EMILIN1: variants seen among roughly 807,000 people sequenced by gnomAD.
EMILIN1 encodes the protein elastin microfibril interfacer 1, also known as EMILIN-1.
EMILIN1 carries 49 observed loss-of-function variants against 82.4 expected under a neutral mutation model. The ratio of observed to expected loss-of-function variants is 0.59; its 90% CI spans 0.47 to 0.75. The LOEUF is 0.75. EMILIN1 is among the 30% of genes least tolerant of loss of function. EMILIN1 has a pLI of 0.00. For missense variants in EMILIN1, 1,313 were observed against 1,366.4 expected, an observed-to-expected ratio of 0.96 and a Z score of 0.62; for synonymous variants, 604 against 602.2, an observed-to-expected ratio of 1.00 and a Z score of -0.04.
rs758912154 is a variant in EMILIN1, at chr2:27,083,835, T to TGGCTGGGCTCTG, written c.2275_2286dup (p.Trp759_Leu762dup). 2.0e-5 allele frequency: 32 copies of TGGCTGGGCTCTG among 1,600,338 alleles called. No individual in the cohort carries two copies. The Admixed American group carries it at 4.9e-4, about 24-fold the overall frequency. On this transcript the variant is annotated inframe_insertion, in exon 4 of 8. Transcript: ENST00000380320. ...CTGCGCGAGGGCCTTTCCAGACACG[T>TGGCTGGGCTCTG]GGCTGGGCTCTGGGCTGGGCTCCGG...
At chr2:27,079,955 GAA>G (rs1027951715) in intron 1 of EMILIN1, among the ~76,000 whole-genome samples, 194 bp from the exon 2 acceptor site, 5 of 152,230 alleles carry the variant, frequency 3.3e-5, no homozygotes, top group Non-Finnish European at 5.9e-5. Flanking sequence ...TCCCCATCTT[GAA>G]AAGTCTTTAT....
chr2:27,085,354 A>G, intron 7 of EMILIN1, 57 bp downstream of exon 7: 8 of 1,592,340 alleles, frequency 5.0e-6, no homozygotes, highest in Non-Finnish European at 6.9e-6. Context: ...GTGTGCAGTG[A>G]TATCTTCCCA....
intron 1 of EMILIN1, among the ~76,000 whole-genome samples, chr2:27,079,875 C>T (rs550078550): frequency 6.5e-4 from 99 of 152,314 alleles, no homozygotes; most frequent in African/African-American, 2.3e-3. Context: ...TGATTGTGTA[C>T]ATTCAGAGGC....
chr2:27,085,755 G>A lies in EMILIN1; in HGVS notation c.2791G>A (p.Ala931Thr), dbSNP rs1669608289. 6.2e-7 allele frequency: 1 copy of A among 1,611,744 alleles called. No homozygotes were observed. Among genetic ancestry groups the A allele is most frequent in the African/African-American group, 1.3e-5 (1 of 74,922 alleles). The change falls in exon 8 of 8, where the codon GCC (alanine) becomes ACC (threonine). Residue 931 changes from alanine to threonine, a missense_variant. Ala to Thr is a moderately conservative substitution (Grantham distance 58). Coordinates refer to ENST00000380320, the MANE Select transcript of EMILIN1 (RefSeq NM_007046.4). ...LTGHRHEKVE[A>T]VLSRSNQGVA... is the part of the protein sequence containing the mutation. ...TGGGCACCGGCACGAGAAAGTGGAGGCCGTGCTGTCCCGCTCCAACCAGGG... is the reference window on the plus strand; with the variant it reads ...TGGGCACCGGCACGAGAAAGTGGAGACCGTGCTGTCCCGCTCCAACCAGGG...
chr2:27,080,112 A>G (rs1160675559), intron 1 of EMILIN1, 39 bp from the exon 2 acceptor site: 7 of 1,611,336 alleles, frequency 4.3e-6, no homozygotes, highest in Non-Finnish European at 5.9e-6. Context: ...CAGGGCATGT[A>G]TCTTTGGTCC....
Position 27,083,279 on chromosome 2 carries a change from C to T in EMILIN1, c.1708C>T (p.Leu570=). The T allele has an allele frequency of 6.2e-7, 1 of 1,612,940 alleles. No homozygotes were observed. The highest frequency in any genetic ancestry group is 8.5e-7 in the Non-Finnish European group (1 of 1,179,638). Residue 570 remains leucine (L), a synonymous_variant, in exon 4 of 8, where the codon CTG becomes TTG. Transcript: ENST00000380320. ...TCTCACTGCGGCCCGGCTAGGCCAA[C>T]TGGAGGGGCTGCTGCAGGCCCATGG... ...LNLTAARLGQ[L]EGLLQAHGDE... is the part of the protein sequence containing the mutation.
Position 27,083,060 on chromosome 2 carries a change from C to T in EMILIN1, c.1489C>T (p.Leu497Phe), listed in dbSNP as rs1669512145. ...GCAGGACTCTCAAGTCAGCGAGATC[C>T]TCAGTGCCTTGGAGCGCAGGGTGCT... ...GEQDSQVSEI[L>F]SALERRVLDS... Residue 497 changes from leucine (L) to phenylalanine (F), a missense_variant, in exon 4 of 8, where the codon CTC becomes TTC. Leu to Phe is a conservative substitution (Grantham distance 22). Coordinates refer to ENST00000380320, the MANE Select transcript of EMILIN1 (RefSeq NM_007046.4). 3.9e-6 allele frequency: 6 copies of T among 1,546,478 alleles called. No homozygotes were observed. Among genetic ancestry groups the T allele is most frequent in the Middle Eastern group, 2.0e-4 (1 of 5,016 alleles).
intron 3 of EMILIN1, 125 bp from the exon 4 acceptor site, chr2:27,081,958 G>C: frequency 8.2e-7 from 1 of 1,214,088 alleles, no homozygotes; most frequent in Non-Finnish European, 1.1e-6. Flanking sequence ...TTTTTCTCTT[G>C]CCAAAATCAC....
At chr2:27,084,365 A>G (rs1432176408) in intron 4 of EMILIN1, 50 bp from the exon 5 acceptor site, 1 of 1,142,802 alleles carries the variant, frequency 8.8e-7, no homozygotes, top group Non-Finnish European at 1.3e-6. Flanking sequence ...TTCCTTACCC[A>G]TTGGAAACTC....
In EMILIN1 at chr2:27,082,490, G is replaced by C. The variant is rs746168057; in HGVS notation, c.919G>C (p.Ala307Pro). 2 of 1,551,764 alleles carry C rather than the reference G, an allele frequency of 1.3e-6. No individual in the cohort carries two copies. Among genetic ancestry groups the C allele is most frequent in the South Asian group, 2.3e-5 (2 of 85,432 alleles). The change falls in exon 4 of 8, where the codon GCC (alanine) becomes CCC (proline). Residue 307 changes from alanine to proline, a missense_variant. Transcript: ENST00000380320. ...GCAGGAGTCCTGCTCCGTGTGCCTG[G>C]CCGGGCTAGATGGCTTCCGCCGGCA... ...RLQESCSVCL[A>P]GLDGFRRQQQ...
chr2:27,082,973 G>A lies in EMILIN1; in HGVS notation c.1402G>A (p.Glu468Lys). Reference protein sequence around the residue: ...GELGGRLDLLEEQVAGAMQAC... With the variant: ...GELGGRLDLLKEQVAGAMQAC... ...GCTGGGGGGGCGGTTGGATCTGTTG[G>A]AGGAGCAGGTGGCAGGGGCCATGCA... The change falls in exon 4 of 8, where the codon GAG becomes AAG. Residue 468 changes from glutamate (E) to lysine (K), a missense_variant. Transcript: ENST00000380320. The A allele has an allele frequency of 6.3e-7, 1 of 1,582,706 alleles. No individual in the cohort carries two copies. Among genetic ancestry groups the A allele is most frequent in the East Asian group, 2.2e-5 (1 of 44,534 alleles).
In EMILIN1 at chr2:27,083,544, A is replaced by G. The variant is rs780673311; in HGVS notation, c.1973A>G (p.Asn658Ser). Residue 658 changes from asparagine (N) to serine (S), a missense_variant, in exon 4 of 8, where the codon AAT becomes AGT. Physicochemically the swap from Asn to Ser is conservative, Grantham distance 46 (BLOSUM62 1). Transcript: ENST00000380320. ...SEVILSFSSLNDSLNELQTTV... is the reference protein window; with the variant it reads ...SEVILSFSSLSDSLNELQTTV... The stretch of plus-strand genomic sequence containing the variant: ...GTTATTCTCAGCTTCAGCTCCCTCA[A>G]TGACTCACTGAATGAGCTCCAGACC... 1.8e-5 allele frequency: 29 copies of G among 1,614,014 alleles called. No homozygotes were observed. The highest frequency in any genetic ancestry group is 3.3e-5 in the South Asian group (3 of 91,094).
At position 27,085,994 on chromosome 2, in the gene EMILIN1, C is replaced by G. The variant is rs1372569210; in HGVS notation, c.3030C>G (p.Asp1010Glu). 1.4e-6 allele frequency: 2 copies of G among 1,462,998 alleles called. No individual in the cohort carries two copies. The highest frequency in any genetic ancestry group is 1.8e-6 in the Non-Finnish European group (2 of 1,099,460). 90.6% of individuals were successfully genotyped at this position (1,462,998 alleles called of 1,614,324 possible). A position where few individuals can be genotyped will look rare whatever the true frequency, so the allele number is the denominator to read the frequency against. Residue 1010 changes from aspartate to glutamate, a missense_variant, in exon 8 of 8, where the codon GAC (aspartate) becomes GAG (glutamate). Asp to Glu is a conservative substitution (Grantham distance 45). Transcript: ENST00000380320. Reference protein sequence around the residue: ...TIFSGALLYGDPELEHA With the variant: ...TIFSGALLYGEPELEHA ...TCAGCGGGGCCCTGCTCTATGGGGA[C>G]CCAGAGCTTGAACACGCGTAGACTG...
In EMILIN1 at chr2:27,085,852, C is replaced by A; in HGVS notation, c.2888C>A (p.Pro963His). The A allele has an allele frequency of 6.2e-7, 1 of 1,606,784 alleles. No homozygotes were observed. Among genetic ancestry groups the A allele is most frequent in the South Asian group, 1.1e-5 (1 of 90,410 alleles). Residue 963 changes from proline (P) to histidine (H), a missense_variant, in exon 8 of 8, where the codon CCC becomes CAC. By Grantham distance (77) the Pro-to-His change is moderately conservative (BLOSUM62 -2). Transcript: ENST00000380320. ...AATAAGCCGGTGGCCGAGAGCCAGC[C>A]CAGCCCGGGCACCCTGGGCGTCTTC... Reference protein sequence around the residue: ...LENKPVAESQPSPGTLGVFSL... With the variant: ...LENKPVAESQHSPGTLGVFSL...
intron 3 of EMILIN1, 105 bp downstream of exon 3, chr2:27,081,057 A>G (rs1235932391): frequency 4.9e-6 from 4 of 809,222 alleles, no homozygotes; most frequent in Non-Finnish European, 7.8e-6. Context: ...GCTCTATGCC[A>G]GAGAGAAGAG....
intron 4 of EMILIN1, 118 bp downstream of exon 4, chr2:27,084,129 GC>G: frequency 3.5e-6 from 4 of 1,148,560 alleles, no homozygotes; most frequent in Non-Finnish European, 3.6e-6. Context: ...ATGAATTGCA[GC>G]CCCAGCCAGT....
In EMILIN1 at chr2:27,083,970, T is replaced by C; in HGVS notation, c.2399T>C (p.Leu800Pro). Reference protein sequence around the residue: ...LGALNSSLQLLEDRLHQLSLK... With the variant: ...LGALNSSLQLPEDRLHQLSLK... ...GCCCTTAACAGCTCCCTGCAGCTCC[T>C]GGAGGACCGTCTGCACCAGCTCAGC... The change falls in exon 4 of 8, where the codon CTG becomes CCG. Residue 800 changes from leucine to proline, a missense_variant. Transcript: ENST00000380320. 1 of 1,551,104 alleles carries C rather than the reference T, an allele frequency of 6.4e-7. No individual in the cohort carries two copies. Among genetic ancestry groups the C allele is most frequent in the Non-Finnish European group, 8.7e-7 (1 of 1,144,756 alleles).
rs1572846029 is a variant in EMILIN1 at position 27,082,277 on chromosome 2, A to C, written c.706A>C (p.Thr236Pro). Residue 236 changes from threonine (T) to proline (P), a missense_variant, in exon 4 of 8, where the codon ACC (threonine) becomes CCC (proline). Physicochemically the swap from Thr to Pro is conservative, Grantham distance 38. Transcript: ENST00000380320. ...GGCTGCCCGCCCTGGGGTGCATGAAACCCTCAATGAGATCCAGCACCAGCT... is the reference window on the plus strand; with the variant it reads ...GGCTGCCCGCCCTGGGGTGCATGAACCCCTCAATGAGATCCAGCACCAGCT... ...DAAARPGVHETLNEIQHQLQL... is the reference protein window; with the variant it reads ...DAAARPGVHEPLNEIQHQLQL... The C allele has an allele frequency of 6.2e-7, 1 of 1,612,974 alleles. No individual in the cohort carries two copies.
rs374176502 is a variant in EMILIN1 at position 27,082,229 on chromosome 2, G to A, written c.658G>A (p.Gly220Arg). 3.8e-5 allele frequency: 62 copies of A among 1,613,364 alleles called. No individual in the cohort carries two copies. The highest frequency in any genetic ancestry group is 1.3e-4 in the Admixed American group (8 of 60,018). ...VQRAVETAFN[G>R]RQQPADAAAR... Reference sequence around the variant, plus strand: ...GAGGGCTGTGGAGACGGCCTTCAACGGGAGGCAGCAGCCAGCTGACGCGGC... The same window carrying A: ...GAGGGCTGTGGAGACGGCCTTCAACAGGAGGCAGCAGCCAGCTGACGCGGC... The change falls in exon 4 of 8, where the codon GGG becomes AGG. Residue 220 changes from glycine (G) to arginine (R), a missense_variant. Physicochemically the swap from Gly to Arg is moderately radical, Grantham distance 125 (BLOSUM62 -2). Coordinates refer to ENST00000380320, the MANE Select transcript of EMILIN1 (RefSeq NM_007046.4).
Sources: allele counts gnomAD v4.1 joint callset (sites outside exome capture counted in the v4.1 genomes callset), GRCh38; gene constraint gnomAD v4.1.1; transcripts MANE v1.5; gene names NCBI Gene and HGNC (gene_info 2026-07-23, HGNC 2026-07-21).